SSBP1: variants seen among roughly 807,000 people sequenced by gnomAD.
SSBP1 encodes single stranded DNA binding protein 1, also known as single-stranded DNA-binding protein, mitochondrial.
A neutral mutation model predicts 27.0 loss-of-function variants in SSBP1; 20 were observed. The observed-to-expected ratio is 0.74, with a 90% CI of 0.52 to 1.08. The LOEUF is 1.08. Among genes scored for constraint, SSBP1 ranks in the 50% least tolerant of loss-of-function variants. The probability of loss-of-function intolerance (pLI) is 0.00; values close to 1 mark genes in which losing one functional copy is unlikely to be tolerated. For missense variants in SSBP1, 137 were observed against 182.4 expected (o/e 0.75, Z 1.44); for synonymous variants, 59 against 59.3 (o/e 1.00, Z 0.02).
At chr7:141,744,368 T>A (rs1242796318) in intron 5 of SSBP1, among the ~76,000 whole-genome samples, 1 of 152,222 alleles carries the variant, frequency 6.6e-6, no homozygotes, top group East Asian at 1.9e-4. Context: ...GCTTCTTGCC[T>A]GTTGGCTGCC....
intron 6 of SSBP1, chr7:141,745,885 G>A (rs746584787): frequency 1.5e-5 from 16 of 1,096,690 alleles, no homozygotes; most frequent in African/African-American, 3.3e-5. Context: ...TGAATGTATT[G>A]TCTTTTGGAA....
At chr7:141,750,063 A>G (rs1799908560) in intron 6 of SSBP1, among the ~76,000 whole-genome samples, 1 of 152,220 alleles carries the variant, frequency 6.6e-6, no homozygotes, top group South Asian at 2.1e-4. Flanking sequence ...ACTGGAAGAC[A>G]AGAAATATCC....
chr7:141,747,465 C>T (rs1799827917), intron 6 of SSBP1, among the ~76,000 whole-genome samples: 1 of 146,286 alleles, frequency 6.8e-6, no homozygotes, highest in Non-Finnish European at 1.5e-5. Context: ...TCCTGGCTCA[C>T]TGCAACCTTC....
At chr7:141,745,235 CTGTTT>C (rs1326265511) in intron 5 of SSBP1, among the ~76,000 whole-genome samples, 3 of 152,050 alleles carry the variant, frequency 2.0e-5, no homozygotes, top group South Asian at 2.1e-4. Flanking sequence ...TCCCTTTGAA[CTGTTT>C]TGTTTTATTT....
intron 3 of SSBP1, among the ~76,000 whole-genome samples, chr7:141,743,246 T>C (rs1041530946): frequency 6.6e-6 from 1 of 152,212 alleles, no homozygotes; most frequent in East Asian, 1.9e-4. Flanking sequence ...TTCTCACAGT[T>C]CTAGAGGCTA....
At chr7:141,749,718 G>T (rs1584772722) in intron 6 of SSBP1, among the ~76,000 whole-genome samples, 1 of 152,170 alleles carries the variant, frequency 6.6e-6, no homozygotes, top group African/African-American at 2.4e-5. Context: ...GGAGGCAGAG[G>T]TTGCAGTAAG....
intron 6 of SSBP1, among the ~76,000 whole-genome samples, chr7:141,749,411 G>T (rs1456486266): frequency 2.6e-5 from 4 of 152,166 alleles, no homozygotes; most frequent in Non-Finnish European, 5.9e-5. Flanking sequence ...CATTTTAAGA[G>T]CAACGTCTGA....
intron 2 of SSBP1, chr7:141,739,942 T>G (rs1009263425): frequency 6.6e-6 from 1 of 152,204 alleles, no homozygotes; most frequent in African/African-American, 2.4e-5. Flanking sequence ...AGTTATTGCT[T>G]CTTAACACTA....
At chr7:141,744,042 A>G (rs1224171467) in intron 5 of SSBP1, 53 bp downstream of exon 5, 2 of 1,515,806 alleles carry the variant, frequency 1.3e-6, no homozygotes, top group African/African-American at 1.4e-5. Context: ...AGAACCGATA[A>G]GAAGTGTTCT....
chr7:141,743,003 C>T (rs566456592), intron 3 of SSBP1, among the ~76,000 whole-genome samples: 9 of 152,250 alleles, frequency 5.9e-5, no homozygotes, highest in East Asian at 1.9e-4. Context: ...TACAGGCGCC[C>T]GCCACCACGC....
At chr7:141,745,308 T>TG (rs1350601389) in intron 5 of SSBP1, among the ~76,000 whole-genome samples, 188 bp from the exon 6 acceptor site, 2 of 152,216 alleles carry the variant, frequency 1.3e-5, no homozygotes, top group Non-Finnish European at 2.9e-5. Flanking sequence ...TTTACCTAGA[T>TG]GTTACCAAGT....
intron 1 of SSBP1, 139 bp from the exon 2 acceptor site, chr7:141,738,985 G>A (rs958273586): frequency 6.5e-5 from 32 of 491,406 alleles, no homozygotes; most frequent in African/African-American, 6.1e-4. Flanking sequence ...CTCATCAGAT[G>A]TGCAGGAATG....
At chr7:141,740,447 G>A (rs1314091371) in intron 2 of SSBP1, 1 of 152,354 alleles carries the variant, frequency 6.6e-6, no homozygotes, top group South Asian at 2.1e-4. Context: ...GAAAGCAGTA[G>A]CATTGGTGTC....
chr7:141,749,085 A>G (rs1381931718), intron 6 of SSBP1, among the ~76,000 whole-genome samples: 1 of 152,196 alleles, frequency 6.6e-6, no homozygotes, highest in Non-Finnish European at 1.5e-5. Context: ...CAGATTGAAT[A>G]TATGTGAAAA....
chr7:141,748,896 T>C (rs10485836), intron 6 of SSBP1, among the ~76,000 whole-genome samples: 5,457 of 152,340 alleles, frequency 0.036, 227 homozygotes, highest in South Asian at 0.15. Context: ...TTCGAGTAGT[T>C]TGTTCTGAAG....
At chr7:141,739,898 A>G (rs898596132) in intron 2 of SSBP1, 14 of 151,922 alleles carry the variant, frequency 9.2e-5, no homozygotes, top group African/African-American at 3.4e-4. Context: ...TCTTTAATCT[A>G]TTTTTTTCTG....
chr7:141,741,939 A>C (rs941191588), intron 2 of SSBP1: 76 of 576,382 alleles, frequency 1.3e-4, no homozygotes, highest in Admixed American at 1.1e-3. Context: ...AACTTTGAGC[A>C]TGCCTTCTAG....
chr7:141,742,367 G>T, intron 3 of SSBP1, 138 bp downstream of exon 3: 1 of 622,058 alleles, frequency 1.6e-6, no homozygotes, highest in Non-Finnish European at 2.9e-6. Flanking sequence ...TCAGATCTTA[G>T]CCTTGACACA....
chr7:141,747,634 C>T (rs1416994511), intron 6 of SSBP1, among the ~76,000 whole-genome samples: 1 of 151,596 alleles, frequency 6.6e-6, no homozygotes, highest in African/African-American at 2.4e-5. Context: ...GTGATCTGCC[C>T]ACTTCAGCCT....
Sources: gnomAD v4.1 joint callset for allele counts (sites outside exome capture counted in the v4.1 genomes callset) on GRCh38, gnomAD v4.1.1 for gene constraint, MANE v1.5 for transcripts, NCBI Gene and HGNC (gene_info 2026-07-23, HGNC 2026-07-21) for gene names.